The following CCDC148 variants were observed in gnomAD, a reference collection of about 807,000 sequenced individuals.
CCDC148 encodes the protein coiled-coil domain-containing protein 148.
CCDC148 carries 89 observed loss-of-function variants against 85.7 expected under a neutral mutation model. That is an observed-to-expected ratio of 1.04 (90% CI 0.87 to 1.24). The LOEUF (loss-of-function observed/expected upper bound fraction) is 1.24. CCDC148 is among the 50% of genes most tolerant of loss of function. The pLI is 0.00. For missense variants in CCDC148, 692 were observed against 671.7 expected, an observed-to-expected ratio of 1.03 and a Z score of -0.33; for synonymous variants, 230 against 213.9, an observed-to-expected ratio of 1.08 and a Z score of -0.66.
At chr2:158,443,789 A>G (rs1688046487) in intron 1 of CCDC148, among the ~76,000 whole-genome samples, 1 of 152,174 alleles carries the variant, frequency 6.6e-6, no homozygotes, top group South Asian at 2.1e-4. Flanking sequence ...GGCCATAGAG[A>G]TTGAATGCCC....
intron 11 of CCDC148, among the ~76,000 whole-genome samples, chr2:158,217,405 T>C (rs1258392327): frequency 2.2e-5 from 3 of 136,638 alleles, no homozygotes; most frequent in African/African-American, 8.1e-5. Context: ...CACACACACA[T>C]ACATTTCATT....
intron 10 of CCDC148, among the ~76,000 whole-genome samples, chr2:158,225,762 A>G (rs1246890431): frequency 6.6e-6 from 1 of 152,232 alleles, no homozygotes; most frequent in Non-Finnish European, 1.5e-5. Context: ...ACCAATGAGA[A>G]CAAAGACACA....
rs114074916 is a variant in CCDC148, at chr2:158,377,283, G to A, written c.26-18713C>T. Among the ~76,000 whole-genome samples the A allele has an allele frequency of 5.9e-3, 850 of 143,856 alleles. 11 individuals carry two copies. Among genetic ancestry groups the A allele is most frequent in the African/African-American group, 0.02 (810 of 40,900 alleles). 94.4% of individuals were successfully genotyped at this position (143,856 alleles called of 152,430 possible). ...GGGGTAGGGTGTGTCGATGGTGTGG[G>A]GGGGGTGGGGTACAAATTACCATGT... On this transcript the variant is annotated intron_variant, in intron 1 of 13. Coordinates refer to ENST00000283233, the MANE Select transcript of CCDC148 (RefSeq NM_138803.4).
At chr2:158,260,038 T>C (rs1053106143) in intron 9 of CCDC148, among the ~76,000 whole-genome samples, 1 of 152,002 alleles carries the variant, frequency 6.6e-6, no homozygotes, top group African/African-American at 2.4e-5. Flanking sequence ...TCACTTACAT[T>C]TGCCACTATA....
chr2:158,275,374 G>A (rs1689884864), intron 9 of CCDC148, among the ~76,000 whole-genome samples: 1 of 152,188 alleles, frequency 6.6e-6, no homozygotes, highest in African/African-American at 2.4e-5. Context: ...AATTGTGATT[G>A]TTATATTATT....
chr2:158,179,106 A>ATTT, intron 11 of CCDC148, 110 bp from the exon 12 acceptor site: 5 of 465,000 alleles, frequency 1.1e-5, no homozygotes, highest in Middle Eastern at 6.0e-4. Flanking sequence ...GCACTGTCAC[A>ATTT]TTTTTTTTTT....
chr2:158,358,336 G>T (rs551085895), intron 2 of CCDC148, 113 bp downstream of exon 2: 1 of 1,248,574 alleles, frequency 8.0e-7, no homozygotes, highest in South Asian at 1.3e-5. Flanking sequence ...TTCTACTTGG[G>T]AGTTTCTAAC....
At position 158,233,880 on chromosome 2, in the gene CCDC148, TA is replaced by T. The variant is rs1161346376; in HGVS notation, c.1252-13168del. ...CCTGGGACTGGCTTAAGTTTCTGAA[TA>T]AAAAATTGGCTTCAGGTTGGGTGCA... On this transcript the variant is annotated intron_variant, in intron 10 of 13. Coordinates refer to ENST00000283233, the MANE Select transcript of CCDC148 (RefSeq NM_138803.4). Among the ~76,000 whole-genome samples, 4 of 152,190 alleles carry T rather than the reference TA, an allele frequency of 2.6e-5. No individual in the cohort carries two copies. The East Asian group carries it at 7.7e-4, about 29-fold the overall frequency.
intron 1 of CCDC148, among the ~76,000 whole-genome samples, chr2:158,435,412 C>G (rs1217460272): frequency 6.6e-6 from 1 of 152,176 alleles, no homozygotes; most frequent in Non-Finnish European, 1.5e-5. Flanking sequence ...AAATACTTTA[C>G]AGACAAGCAA....
At chr2:158,213,074 T>C (rs564861622) in intron 11 of CCDC148, among the ~76,000 whole-genome samples, 20 of 152,140 alleles carry the variant, frequency 1.3e-4, no homozygotes, top group Non-Finnish European at 2.5e-4. Flanking sequence ...ATGAATTTAG[T>C]TGGTCTGGAG....
At chr2:158,283,815 A>T (rs1690470427) in intron 9 of CCDC148, among the ~76,000 whole-genome samples, 1 of 152,032 alleles carries the variant, frequency 6.6e-6, no homozygotes, top group East Asian at 1.9e-4. Context: ...TGCTATAAAG[A>T]CACATGCACA....
chr2:158,354,716 T>C (rs1388599175), intron 2 of CCDC148, among the ~76,000 whole-genome samples: 1 of 151,616 alleles, frequency 6.6e-6, no homozygotes, highest in African/African-American at 2.4e-5. Context: ...GAATCCTCCC[T>C]AACTCATTTT....
chr2:158,301,136 T>G (rs4544382), intron 9 of CCDC148, among the ~76,000 whole-genome samples: 144,532 of 152,260 alleles, frequency 0.95, 68,646 homozygotes, highest in East Asian at 1. Context: ...TGGGATTACA[T>G]ATATGAGCCA....
At chr2:158,443,731 G>A (rs193016511) in intron 1 of CCDC148, among the ~76,000 whole-genome samples, 7 of 152,274 alleles carry the variant, frequency 4.6e-5, no homozygotes, top group Admixed American at 3.9e-4. Context: ...CCTAGGCCCA[G>A]GGAATATTTC....
rs1285893827 is a variant in CCDC148 at position 158,313,865 on chromosome 2, C to T, written c.794G>A (p.Trp265Ter). 1 of 1,613,168 alleles carries T rather than the reference C, an allele frequency of 6.2e-7. No homozygotes were observed. Among genetic ancestry groups the T allele is most frequent in the African/African-American group, 1.3e-5 (1 of 74,858 alleles). ...RNCQLSEEDH[W>*]IYQAILDQYP... is the part of the protein sequence containing the mutation. ...CTGATCCAAAATAGCCTGGTAAATC[C>T]AGTGGTCTTCTTCACTTAGTTGACA... is the stretch of plus-strand genomic sequence containing the variant. Residue 265 changes from tryptophan (W) to a stop codon, truncating the protein, a stop_gained, in exon 8 of 14, where the codon TGG becomes TAG. Transcript: ENST00000283233. LOFTEE classifies it high-confidence loss of function.
intron 9 of CCDC148, among the ~76,000 whole-genome samples, chr2:158,298,631 A>T (rs1220506831): frequency 6.6e-6 from 1 of 152,108 alleles, no homozygotes; most frequent in Non-Finnish European, 1.5e-5. Flanking sequence ...GTCTTCTGCT[A>T]TGCCCAGTCT....
chr2:158,235,452 A>G (rs1688059223), intron 10 of CCDC148, among the ~76,000 whole-genome samples: 1 of 152,142 alleles, frequency 6.6e-6, no homozygotes. Context: ...GTACAATCTC[A>G]TAAGAAGATT....
At chr2:158,192,140 C>T (rs1361094036) in intron 11 of CCDC148, among the ~76,000 whole-genome samples, 2 of 151,912 alleles carry the variant, frequency 1.3e-5, no homozygotes, top group East Asian at 3.9e-4. Context: ...ACTGATAGCC[C>T]CCTCTTTTAA....
chr2:158,429,761 T>A (rs1307355568), intron 1 of CCDC148, among the ~76,000 whole-genome samples: 1 of 152,140 alleles, frequency 6.6e-6, no homozygotes, highest in East Asian at 1.9e-4. Context: ...ACAAAATATA[T>A]AAAACCCATG....
Sources: gnomAD v4.1 joint callset for allele counts (sites outside exome capture counted in the v4.1 genomes callset) on GRCh38, gnomAD v4.1.1 for gene constraint, MANE v1.5 for transcripts, NCBI Gene and HGNC (gene_info 2026-07-23, HGNC 2026-07-21) for gene names.